CNTNAP2: variants seen among roughly 807,000 people sequenced by gnomAD.
CNTNAP2 encodes contactin associated protein 2, also known as contactin-associated protein-like 2.
CNTNAP2 carries 98 observed loss-of-function variants against 155.2 expected under a neutral mutation model. That is an observed-to-expected ratio of 0.63 (90% CI 0.54 to 0.75). The LOEUF is 0.75. Ranked by LOEUF, CNTNAP2 falls within the 30% of genes least tolerant of loss-of-function variation. The probability of loss-of-function intolerance (pLI) is 0.00; values close to 1 mark genes in which losing one functional copy is unlikely to be tolerated. For missense variants in CNTNAP2, 1,727 were observed against 1,688.1 expected (o/e 1.02, Z -0.40); for synonymous variants, 651 against 631.2 (o/e 1.03, Z -0.47).
chr7:146,508,232 G>A (rs542604322), intron 1 of CNTNAP2, among the ~76,000 whole-genome samples: 3 of 152,150 alleles, frequency 2.0e-5, no homozygotes, highest in Admixed American at 6.5e-5. Context: ...GTAACCTGTC[G>A]GGGTTGTGGC....
In CNTNAP2 at chr7:146,996,702, C is replaced by T. The variant is rs73465205; in HGVS notation, c.403-47205C>T. Among the ~76,000 whole-genome samples, 816 of 152,108 alleles carry T rather than the reference C, an allele frequency of 5.4e-3. 4 individuals are homozygous for T. Among genetic ancestry groups the T allele is most frequent in the African/African-American group, 0.019 (788 of 41,512 alleles). Reference sequence around the variant, plus strand: ...TTTCCAATTTGAATTCCTTATATTACTTCCTTTTGCCTAATTGTTCTGGCT... The same window carrying T: ...TTTCCAATTTGAATTCCTTATATTATTTCCTTTTGCCTAATTGTTCTGGCT... On this transcript the variant is annotated intron_variant, in intron 3 of 23. Transcript: ENST00000361727.
At chr7:147,129,196 T>A (rs1801300009) in intron 7 of CNTNAP2, among the ~76,000 whole-genome samples, 1 of 152,188 alleles carries the variant, frequency 6.6e-6, no homozygotes, top group Admixed American at 6.5e-5. Flanking sequence ...GTTACTTGCT[T>A]ATGGTTTAAT....
intron 12 of CNTNAP2, among the ~76,000 whole-genome samples, chr7:147,601,644 A>AATATAT (rs1160603745): frequency 3.2e-4 from 28 of 87,454 alleles, no homozygotes; most frequent in Admixed American, 2.9e-4. Flanking sequence ...CTTAAAAAAA[A>AATATAT]ATATATATAT....
chr7:146,867,745 T>G (rs1323932589), intron 3 of CNTNAP2, among the ~76,000 whole-genome samples: 1 of 151,022 alleles, frequency 6.6e-6, no homozygotes, highest in Admixed American at 6.7e-5. Context: ...TCATTGTGGT[T>G]TTGATTTGCA....
At chr7:147,983,424 T>C (rs1475176945) in intron 15 of CNTNAP2, among the ~76,000 whole-genome samples, 5 of 151,368 alleles carry the variant, frequency 3.3e-5, no homozygotes, top group Non-Finnish European at 7.4e-5. Flanking sequence ...TAATAGGTGA[T>C]ACTGTTGACA....
chr7:147,332,721 C>T (rs1795594356), intron 9 of CNTNAP2, among the ~76,000 whole-genome samples: 1 of 152,032 alleles, frequency 6.6e-6, no homozygotes, highest in East Asian at 1.9e-4. Flanking sequence ...AATTAGCCGG[C>T]TGTGGTAGTG....
intron 9 of CNTNAP2, among the ~76,000 whole-genome samples, chr7:147,365,372 T>C (rs1009438320): frequency 3.7e-5 from 4 of 106,766 alleles, no homozygotes; most frequent in Non-Finnish European, 5.2e-5. Context: ...AGAGACACTC[T>C]ATCTCAAAAA....
chr7:147,250,870 T>A (rs920763262), intron 8 of CNTNAP2, among the ~76,000 whole-genome samples: 6 of 152,106 alleles, frequency 3.9e-5, no homozygotes, highest in African/African-American at 1.4e-4. Flanking sequence ...TCTGGTGAAT[T>A]CCAGTGCAGG....
At chr7:146,991,216 GATATAGTATTTGAA>G (rs148724096) in intron 3 of CNTNAP2, among the ~76,000 whole-genome samples, 31,359 of 152,012 alleles carry the variant, frequency 0.21, 4,031 homozygotes, top group Non-Finnish European at 0.28. Flanking sequence ...AAAGATTTGA[GATATAGTATTTGAA>G]ATATAGTATT....
intron 3 of CNTNAP2, among the ~76,000 whole-genome samples, chr7:146,951,955 C>A (rs1797322777): frequency 6.6e-6 from 1 of 151,848 alleles, no homozygotes; most frequent in South Asian, 2.1e-4. Context: ...ATCCTGATAC[C>A]AAAACCTGGC....
intron 12 of CNTNAP2, among the ~76,000 whole-genome samples, chr7:147,612,328 C>A (rs554311064): frequency 4.6e-5 from 7 of 151,618 alleles, no homozygotes; most frequent in African/African-American, 1.7e-4. Flanking sequence ...TGGAATATTT[C>A]ATGTTTGTTT....
rs75177851 is a variant in CNTNAP2, at chr7:147,471,807, T to C, written c.1671-14128T>C. Among the ~76,000 whole-genome samples, 898 of 152,250 alleles carry C rather than the reference T, an allele frequency of 5.9e-3. 26 individuals carry two copies. The highest frequency in any genetic ancestry group is 0.038 in the Admixed American group (585 of 15,288). On this transcript the variant is annotated intron_variant, in intron 10 of 23. Transcript: ENST00000361727. ...ACAGGTCAGTGAATAAGACTGACAA[T>C]GAACCCGAGAGGTATAGAACTAAAA...
chr7:148,011,660 T>C (rs896684339), intron 15 of CNTNAP2, among the ~76,000 whole-genome samples: 9 of 152,218 alleles, frequency 5.9e-5, no homozygotes, highest in African/African-American at 1.9e-4. Context: ...GATTTGCTTA[T>C]ACACGTGCTT....
chr7:147,366,129 G>A (rs1796225444), intron 9 of CNTNAP2, among the ~76,000 whole-genome samples: 1 of 152,102 alleles, frequency 6.6e-6, no homozygotes, highest in African/African-American at 2.4e-5. Flanking sequence ...TAGTCTTAAG[G>A]CTATTCAGGC....
rs574485898 is a variant in CNTNAP2 at position 146,331,540 on chromosome 7, ATCCTCCAGGGG to A, written c.97+214577_97+214587del. Among the ~76,000 whole-genome samples, 220 of 152,152 alleles carry A rather than the reference ATCCTCCAGGGG, an allele frequency of 1.4e-3. 1 individual carries two copies. Among genetic ancestry groups the A allele is most frequent in the Middle Eastern group, 0.01 (3 of 294 alleles). ...GTGACTCATTGCTGTTTGGTATCTC[ATCCTCCAGGGG>A]TCCTCCAGGTGGTCTGGGTTTGTTG... is the stretch of plus-strand genomic sequence containing the variant. On this transcript the variant is annotated intron_variant, in intron 1 of 23. Coordinates refer to ENST00000361727, the MANE Select transcript of CNTNAP2 (RefSeq NM_014141.6).
chr7:146,772,524 C>T (rs1000053486), intron 1 of CNTNAP2, among the ~76,000 whole-genome samples: 9 of 143,212 alleles, frequency 6.3e-5, no homozygotes, highest in Non-Finnish European at 6.1e-5. Flanking sequence ...AAAAAAATAG[C>T]TGTACTTGGT....
rs554536860 is a variant in CNTNAP2, at chr7:148,349,764, T to A, written c.3476-33885T>A. Among the ~76,000 whole-genome samples, 425 of 152,290 alleles carry A rather than the reference T, an allele frequency of 2.8e-3. 1 individual carries two copies. Among genetic ancestry groups the A allele is most frequent in the Middle Eastern group, 0.01 (3 of 294 alleles). On this transcript the variant is annotated intron_variant, in intron 21 of 23. Transcript: ENST00000361727. ...GTTTACAAAGCCATCCTGGACCGCA[T>A]AAAGCCTGCAGGCCATGGGTTGAAC...
chr7:147,131,068 GTGTATATATATGTA>G (rs551961637), intron 7 of CNTNAP2, among the ~76,000 whole-genome samples: 5,524 of 147,992 alleles, frequency 0.037, 313 homozygotes, highest in African/African-American at 0.13. Flanking sequence ...ATATATATGT[GTGTATATATATGTA>G]TATATGTGTA....
In CNTNAP2 at chr7:146,306,333, A is replaced by G. The variant is rs926529854; in HGVS notation, c.97+189360A>G. Among the ~76,000 whole-genome samples, 7 of 152,300 alleles carry G rather than the reference A, an allele frequency of 4.6e-5. 1 individual carries two copies. The highest frequency in any genetic ancestry group is 4.6e-4 in the Admixed American group (7 of 15,300). On this transcript the variant is annotated intron_variant, in intron 1 of 23. Coordinates refer to ENST00000361727, the MANE Select transcript of CNTNAP2 (RefSeq NM_014141.6). ...ACCAGAGGGACAAAGAGGAGCTGGT[A>G]CCATTCCTTCTGAAACTATTCCAAT...
Sources: allele counts gnomAD v4.1 joint callset (sites outside exome capture counted in the v4.1 genomes callset), GRCh38; gene constraint gnomAD v4.1.1; transcripts MANE v1.5; gene names NCBI Gene and HGNC (gene_info 2026-07-23, HGNC 2026-07-21).